The following CLASP1 variants were observed in gnomAD, a reference collection of about 807,000 sequenced individuals.
CLASP1 encodes the protein cytoplasmic linker associated protein 1, also known as CLIP-associating protein 1.
In CLASP1, 38 loss-of-function variants were observed where a neutral mutation model predicts 192.3. The ratio of observed to expected loss-of-function variants is 0.20; its 90% CI spans 0.15 to 0.26. The LOEUF (loss-of-function observed/expected upper bound fraction) is 0.26. Ranked by LOEUF, CLASP1 falls within the 10% of genes least tolerant of loss-of-function variation. CLASP1 has a pLI of 1.00. For missense variants in CLASP1, 1,433 were observed against 1,932.5 expected (o/e 0.74, Z 4.85); for synonymous variants, 691 against 712.8 (o/e 0.97, Z 0.49).
At chr2:121,620,641 C>T (rs1396018087) in intron 1 of CLASP1, among the ~76,000 whole-genome samples, 1 of 152,174 alleles carries the variant, frequency 6.6e-6, no homozygotes, top group African/African-American at 2.4e-5. Flanking sequence ...AGCCACCACG[C>T]CCGGCCTTGA....
At chr2:121,499,204 G>A (rs2093648854) in intron 8 of CLASP1, among the ~76,000 whole-genome samples, 1 of 152,142 alleles carries the variant, frequency 6.6e-6, no homozygotes, top group African/African-American at 2.4e-5. Context: ...TAAAGAAAAT[G>A]CAATCTAATC....
At chr2:121,377,518 C>T (rs2070536262) in exon 34 of CLASP1, 3 of 1,603,888 alleles carry the variant, frequency 1.9e-6, no homozygotes, top group Non-Finnish European at 2.6e-6. Flanking sequence ...CTCCTTTTTG[C>T]CATCTCGTTT....
intron 2 of CLASP1, among the ~76,000 whole-genome samples, chr2:121,603,981 G>A (rs1020867281): frequency 9.9e-5 from 15 of 152,192 alleles, no homozygotes; most frequent in Non-Finnish European, 1.8e-4. Flanking sequence ...CTAGATAGGA[G>A]AAATAACTTC....
intron 2 of CLASP1, among the ~76,000 whole-genome samples, chr2:121,580,660 T>A (rs2061027274): frequency 6.6e-6 from 1 of 152,272 alleles, no homozygotes; most frequent in Non-Finnish European, 1.5e-5. Flanking sequence ...CATGTAAATA[T>A]TTGTACACAT....
intron 34 of CLASP1, among the ~76,000 whole-genome samples, chr2:121,375,856 T>G (rs1044933133): frequency 1.3e-5 from 2 of 152,162 alleles, no homozygotes; most frequent in Non-Finnish European, 2.9e-5. Flanking sequence ...GCTCACTATT[T>G]TTATTACATC....
intron 8 of CLASP1, among the ~76,000 whole-genome samples, chr2:121,487,676 A>G (rs911679306): frequency 6.6e-6 from 1 of 152,306 alleles, no homozygotes; most frequent in East Asian, 1.9e-4. Context: ...TTTGGGAGGA[A>G]GACCACAGAG....
At chr2:121,520,746 G>A (rs2094438509) in intron 6 of CLASP1, among the ~76,000 whole-genome samples, 1 of 152,128 alleles carries the variant, frequency 6.6e-6, no homozygotes, top group Non-Finnish European at 1.5e-5. Flanking sequence ...TCTAGTCAAG[G>A]GAATTCTTAT....
intron 12 of CLASP1, 189 bp downstream of exon 12, chr2:121,459,789 ATC>A (rs1485199432): frequency 6.4e-5 from 27 of 422,672 alleles, no homozygotes; most frequent in Non-Finnish European, 2.9e-5. Flanking sequence ...AAAATTTAAA[ATC>A]TGTCACACTT....
intron 24 of CLASP1, among the ~76,000 whole-genome samples, chr2:121,409,586 G>C: frequency 6.6e-6 from 1 of 152,196 alleles, no homozygotes; most frequent in Non-Finnish European, 1.5e-5. Context: ...TTTACACACA[G>C]TCCCTTATGC....
chr2:121,528,268 C>T (rs78709957), intron 4 of CLASP1, among the ~76,000 whole-genome samples: 1 of 152,132 alleles, frequency 6.6e-6, no homozygotes, highest in Admixed American at 6.5e-5. Context: ...ACAGTAGAAG[C>T]TGGGAAAGCA....
intron 2 of CLASP1, among the ~76,000 whole-genome samples, chr2:121,576,304 T>C (rs935233958): frequency 6.6e-6 from 1 of 152,148 alleles, no homozygotes; most frequent in African/African-American, 2.4e-5. Flanking sequence ...TTTGAAGGCA[T>C]ACAAAATGGA....
intron 8 of CLASP1, among the ~76,000 whole-genome samples, chr2:121,490,883 A>T (rs1304621145): frequency 6.6e-6 from 1 of 152,234 alleles, no homozygotes; most frequent in Non-Finnish European, 1.5e-5. Flanking sequence ...ACTGGGAGAG[A>T]GTGTGAACCT....
chr2:121,476,340 T>C (rs1042417179), intron 8 of CLASP1, among the ~76,000 whole-genome samples: 1 of 152,008 alleles, frequency 6.6e-6, no homozygotes, highest in Non-Finnish European at 1.5e-5. Context: ...CCAGGCTGCA[T>C]AGGGGAGATA....
rs866716054 is a variant in CLASP1 at position 121,497,656 on chromosome 2, C to A, written c.712+5511G>T. Among the ~76,000 whole-genome samples, 6 of 152,178 alleles carry A rather than the reference C, an allele frequency of 3.9e-5. No homozygotes were observed. In the South Asian group the frequency reaches 6.2e-4, roughly 16 times the overall value. ...ATTAGTAGACATTAGATAAAGGAAG[C>A]CAAGAAGGTGCAGCCCAAAAAGCAG... is the stretch of plus-strand genomic sequence containing the variant. On this transcript the variant is annotated intron_variant, in intron 8 of 39. Coordinates refer to ENST00000263710, the Ensembl canonical transcript of CLASP1.
intron 1 of CLASP1, among the ~76,000 whole-genome samples, chr2:121,648,480 C>T (rs1551151): frequency 0.19 from 29,279 of 152,142 alleles, 5,033 homozygotes; most frequent in African/African-American, 0.46. Flanking sequence ...AAACTCACCA[C>T]AGCGTGCTTT....
chr2:121,634,065 C>T (rs758656471), intron 1 of CLASP1, among the ~76,000 whole-genome samples: 4 of 152,000 alleles, frequency 2.6e-5, no homozygotes, highest in Non-Finnish European at 5.9e-5. Context: ...CACAGCCTCA[C>T]ATCCTTCAGG....
chr2:121,501,278 T>C (rs1162679607), intron 8 of CLASP1, among the ~76,000 whole-genome samples: 1 of 152,146 alleles, frequency 6.6e-6, no homozygotes, highest in East Asian at 1.9e-4. Context: ...ATGACACAAA[T>C]ACACCCACAC....
At chr2:121,357,960 A>G (rs188103668) in intron 37 of CLASP1, among the ~76,000 whole-genome samples, 1 of 152,314 alleles carries the variant, frequency 6.6e-6, no homozygotes, top group African/African-American at 2.4e-5. Flanking sequence ...TGACTATTCT[A>G]GCCCACTCCT....
intron 2 of CLASP1, among the ~76,000 whole-genome samples, chr2:121,593,795 G>A (rs1215729512): frequency 6.6e-5 from 10 of 151,606 alleles, no homozygotes; most frequent in Admixed American, 6.6e-4. Context: ...TGGATCACCT[G>A]AGGTTGGGAG....
Sources: allele counts gnomAD v4.1 joint callset (sites outside exome capture counted in the v4.1 genomes callset), GRCh38; gene constraint gnomAD v4.1.1; transcripts MANE v1.5; gene names NCBI Gene and HGNC (gene_info 2026-07-23, HGNC 2026-07-21).